Variants in FBXL17 observed in about 807,000 individuals in gnomAD.
The protein encoded by FBXL17 is F-box and leucine rich repeat protein 17.
In FBXL17, 22 loss-of-function variants were observed where a neutral mutation model predicts 66.2. The observed-to-expected ratio is 0.33, with a 90% CI of 0.24 to 0.47. The LOEUF (loss-of-function observed/expected upper bound fraction) is 0.47. FBXL17 is among the 20% of genes least tolerant of loss of function. FBXL17 has a pLI of 1.00. For missense variants in FBXL17, 878 were observed against 948.2 expected (o/e 0.93, Z 0.97); for synonymous variants, 474 against 400.5 (o/e 1.18, Z -2.19).
rs142491810 is a variant in FBXL17 at position 107,938,585 on chromosome 5, C to G, written c.1823-57406G>C. On this transcript the variant is annotated intron_variant, in intron 7 of 8. Coordinates refer to ENST00000542267, the MANE Select transcript of FBXL17 (RefSeq NM_001163315.3). ...AAATGATTTTTATCTTTAAAAATAA[C>G]TTCACTTTCAGCTATTGAAAAACTC... Among the ~76,000 whole-genome samples the G allele has an allele frequency of 2.2e-3, 341 of 152,220 alleles. 3 individuals carry two copies. Among genetic ancestry groups the G allele is most frequent in the Middle Eastern group, 0.017 (5 of 294 alleles).
At chr5:107,957,434 C>G (rs1751707143) in intron 7 of FBXL17, among the ~76,000 whole-genome samples, 1 of 151,990 alleles carries the variant, frequency 6.6e-6, no homozygotes, top group South Asian at 2.1e-4. Context: ...AAAAAAATCA[C>G]TCACAAGAAG....
intron 5 of FBXL17, among the ~76,000 whole-genome samples, chr5:108,194,519 A>C (rs1398640419): frequency 6.6e-6 from 1 of 151,868 alleles, no homozygotes; most frequent in African/African-American, 2.4e-5. Flanking sequence ...TTCCTGCTAC[A>C]ACTACTTAGG....
At chr5:108,149,496 T>C (rs1751687158) in intron 6 of FBXL17, among the ~76,000 whole-genome samples, 1 of 152,206 alleles carries the variant, frequency 6.6e-6, no homozygotes, top group African/African-American at 2.4e-5. Context: ...CTTTGAAGTG[T>C]GTTACACATG....
chr5:108,119,267 G>A (rs1750382145), intron 6 of FBXL17, among the ~76,000 whole-genome samples: 1 of 152,208 alleles, frequency 6.6e-6, no homozygotes, highest in African/African-American at 2.4e-5. Context: ...ATCATGTCCT[G>A]AGGTTGTGCA....
intron 4 of FBXL17, chr5:108,298,162 A>C (rs1758426065): frequency 1.0e-6 from 1 of 975,056 alleles, no homozygotes; most frequent in Non-Finnish European, 1.2e-6. Flanking sequence ...AAGAAACATA[A>C]AGTACCCTAG....
intron 2 of FBXL17, 107 bp from the exon 3 acceptor site, chr5:108,365,102 G>GTT: frequency 5.5e-6 from 4 of 721,418 alleles, no homozygotes; most frequent in South Asian, 2.1e-5. Flanking sequence ...TTAGATTATA[G>GTT]CATGAACGAT....
At chr5:107,951,091 C>T (rs1375304549) in intron 7 of FBXL17, among the ~76,000 whole-genome samples, 1 of 152,116 alleles carries the variant, frequency 6.6e-6, no homozygotes, top group African/African-American at 2.4e-5. Context: ...TTGCTGCTGC[C>T]ATTGTCATAA....
chr5:108,098,632 C>G (rs927880486), intron 6 of FBXL17, among the ~76,000 whole-genome samples: 1 of 151,362 alleles, frequency 6.6e-6, no homozygotes, highest in African/African-American at 2.4e-5. Context: ...GTAGTCCCAG[C>G]TACTCGGGAG....
rs552101889 is a variant in FBXL17 at position 107,871,635 on chromosome 5, C to T, written c.1965+9402G>A. 1.8e-4 allele frequency among the ~76,000 whole-genome samples: 28 copies of T among 151,956 alleles called. No homozygotes were observed. In the South Asian group the frequency reaches 5.2e-3, roughly 28 times the overall value. On this transcript the variant is annotated intron_variant, in intron 8 of 8. Transcript: ENST00000542267. ...CCATGCTCAAATCTATGCATATGCA[C>T]GTGTGGTGCAGATGAGAACCAGAAC...
rs576653594 is a variant in FBXL17 at position 108,317,099 on chromosome 5, T to A, written c.1506+31300A>T. 2.0e-5 allele frequency among the ~76,000 whole-genome samples: 3 copies of A among 151,368 alleles called. No homozygotes were observed. The South Asian group carries it at 6.2e-4, about 31-fold the overall frequency. On this transcript the variant is annotated intron_variant, in intron 4 of 8. Transcript: ENST00000542267. ...ACTATCAAATCCCAACAGGTACTAA[T>A]TAAGGAGAAGAGATGCAAAGCTAAA...
rs200533948 is a variant in FBXL17 at position 108,280,660 on chromosome 5, C to CT, written c.1507-56433_1507-56432insA. 5.2e-3 allele frequency among the ~76,000 whole-genome samples: 791 copies of CT among 151,080 alleles called. 9 individuals are homozygous for CT. The highest frequency in any genetic ancestry group is 0.018 in the African/African-American group (749 of 41,210). On this transcript the variant is annotated intron_variant, in intron 4 of 8. Coordinates refer to ENST00000542267, the MANE Select transcript of FBXL17 (RefSeq NM_001163315.3). Reference sequence around the variant, plus strand: ...ACAACATGACAGGACTAAAACCTCACATATTAGTGTTTACCTTGAATGTAA... The same window carrying CT: ...ACAACATGACAGGACTAAAACCTCACTATATTAGTGTTTACCTTGAATGTAA...
At chr5:108,373,811 G>T (rs1372984756) in intron 1 of FBXL17, among the ~76,000 whole-genome samples, 1 of 152,134 alleles carries the variant, frequency 6.6e-6, no homozygotes. Flanking sequence ...TCAGCTACAT[G>T]GGAGGCTGAG....
chr5:108,045,420 C>A (rs931215439), intron 6 of FBXL17, among the ~76,000 whole-genome samples: 2 of 151,770 alleles, frequency 1.3e-5, no homozygotes, highest in African/African-American at 4.8e-5. Context: ...CCAGCCTGGG[C>A]GATAGAGCAA....
At chr5:108,126,684 T>TACAC (rs3040021) in intron 6 of FBXL17, among the ~76,000 whole-genome samples, 9 of 135,574 alleles carry the variant, frequency 6.6e-5, no homozygotes, top group South Asian at 4.9e-4. Flanking sequence ...TATATATATA[T>TACAC]ACACACATAC....
intron 8 of FBXL17, among the ~76,000 whole-genome samples, chr5:107,870,218 G>A (rs188217876): frequency 3.3e-5 from 5 of 152,248 alleles, no homozygotes; most frequent in African/African-American, 1.2e-4. Flanking sequence ...TGTTCTTGGG[G>A]ATCTGAAGGC....
intron 3 of FBXL17, among the ~76,000 whole-genome samples, chr5:108,357,722 G>T (rs113366493): frequency 6.9e-6 from 1 of 145,214 alleles, no homozygotes; most frequent in Non-Finnish European, 1.5e-5. Flanking sequence ...TAAATAACAC[G>T]TTTTTTTTTT....
At chr5:108,230,630 CG>C (rs1046512350) in intron 4 of FBXL17, among the ~76,000 whole-genome samples, 6 of 151,516 alleles carry the variant, frequency 4.0e-5, no homozygotes, top group African/African-American at 1.5e-4. Flanking sequence ...GTATACTGCT[CG>C]GGTGATGGGT....
chr5:107,867,138 A>C (rs1458957007), intron 8 of FBXL17, among the ~76,000 whole-genome samples: 1 of 152,184 alleles, frequency 6.6e-6, no homozygotes, highest in African/African-American at 2.4e-5. Flanking sequence ...CAGTCTCTAA[A>C]GTCCTGATAA....
chr5:108,119,713 T>C (rs193280559), intron 6 of FBXL17, among the ~76,000 whole-genome samples: 3 of 152,352 alleles, frequency 2.0e-5, no homozygotes, highest in Non-Finnish European at 4.4e-5. Context: ...CAAGGTTCTA[T>C]GTAAGGAGAA....
Sources: gnomAD v4.1 joint callset for allele counts (sites outside exome capture counted in the v4.1 genomes callset) on GRCh38, gnomAD v4.1.1 for gene constraint, MANE v1.5 for transcripts, NCBI Gene and HGNC (gene_info 2026-07-23, HGNC 2026-07-21) for gene names.